The following RNF150 variants were observed in gnomAD, a reference collection of about 807,000 sequenced individuals.
RNF150 encodes ring finger protein 150.
Under a neutral mutation model 39.3 loss-of-function variants are expected in RNF150, and 24 were observed. The observed-to-expected ratio is 0.61, with a 90% confidence interval of 0.44 to 0.86. The LOEUF is 0.86. Among genes scored for constraint, RNF150 ranks in the 40% least tolerant of loss-of-function variants. The pLI, the probability that RNF150 is intolerant of heterozygous loss-of-function variation, is 0.00. For missense variants in RNF150, 502 were observed against 587.8 expected, an observed-to-expected ratio of 0.85 and a Z score of 1.51; for synonymous variants, 255 against 227.3, an observed-to-expected ratio of 1.12 and a Z score of -1.10.
At chr4:141,202,899 T>C (rs1728311892) in intron 1 of RNF150, among the ~76,000 whole-genome samples, 1 of 151,856 alleles carries the variant, frequency 6.6e-6, no homozygotes, top group African/African-American at 2.4e-5. Context: ...CTATAAAGAA[T>C]AGAGTGGCAA....
At chr4:141,185,849 G>A (rs1727998587) in intron 1 of RNF150, among the ~76,000 whole-genome samples, 1 of 152,084 alleles carries the variant, frequency 6.6e-6, no homozygotes. Context: ...TTTGCCATTT[G>A]TTGAACCAGC....
intron 1 of RNF150, among the ~76,000 whole-genome samples, chr4:141,048,409 T>G (rs957033647): frequency 6.6e-6 from 1 of 152,184 alleles, no homozygotes. Flanking sequence ...AGATCCATCT[T>G]GGCATGCAGC....
chr4:140,920,789 A>C (rs1578967283), intron 5 of RNF150, among the ~76,000 whole-genome samples: 1 of 151,772 alleles, frequency 6.6e-6, no homozygotes, highest in Non-Finnish European at 1.5e-5. Context: ...AACCAACCCA[A>C]ATGTCCAACA....
At chr4:141,171,743 G>A (rs3098030) in intron 1 of RNF150, among the ~76,000 whole-genome samples, 148,042 of 152,310 alleles carry the variant, frequency 0.97, 72,099 homozygotes, top group East Asian at 1. Context: ...ACTGAATTGA[G>A]CTTGACTAGT....
At chr4:140,978,493 C>T (rs1457741776) in intron 1 of RNF150, among the ~76,000 whole-genome samples, 2 of 152,120 alleles carry the variant, frequency 1.3e-5, no homozygotes, top group African/African-American at 4.8e-5. Flanking sequence ...GTAGACATTC[C>T]TATTCTACAA....
At chr4:141,022,904 A>G (rs1235479737) in intron 1 of RNF150, among the ~76,000 whole-genome samples, 1 of 152,202 alleles carries the variant, frequency 6.6e-6, no homozygotes, top group Non-Finnish European at 1.5e-5. Context: ...CATTTCCCCC[A>G]ACTACTTTCC....
intron 1 of RNF150, among the ~76,000 whole-genome samples, chr4:141,189,601 G>A (rs1223582086): frequency 1.3e-5 from 2 of 152,186 alleles, no homozygotes; most frequent in African/African-American, 4.8e-5. Context: ...CCTGCTCAGT[G>A]AGGAGGAATC....
intron 1 of RNF150, among the ~76,000 whole-genome samples, chr4:141,166,963 G>GA (rs1453260972): frequency 6.6e-6 from 1 of 152,058 alleles, no homozygotes; most frequent in Non-Finnish European, 1.5e-5. Flanking sequence ...GCAAGAGAAA[G>GA]AAACAAAGGG....
chr4:140,952,929 C>T (rs1372224866), intron 2 of RNF150, among the ~76,000 whole-genome samples: 1 of 152,162 alleles, frequency 6.6e-6, no homozygotes, highest in Non-Finnish European at 1.5e-5. Context: ...TCACACAATT[C>T]TAGATGATAC....
intron 1 of RNF150, among the ~76,000 whole-genome samples, chr4:141,077,772 C>T (rs187815698): frequency 3.3e-5 from 5 of 152,350 alleles, no homozygotes; most frequent in Non-Finnish European, 7.3e-5. Flanking sequence ...TCTGCACCTC[C>T]AAAGGTTTTG....
rs1439358459 is a variant in RNF150, at chr4:140,860,328, G to C, written c.*7933C>G. On this transcript the variant is annotated 3_prime_UTR_variant, in exon 7 of 7. Transcript: ENST00000515673. ...CAGAAGATTAGTTTTGGGTAAAAAC[G>C]CTACATAATTCACTAGTACTTATTT... The C allele has an allele frequency of 6.6e-6, 1 of 152,028 alleles. No individual in the cohort carries two copies. The highest frequency in any genetic ancestry group is 2.4e-5 in the African/African-American group (1 of 41,376). 9.4% of individuals were successfully genotyped at this position (152,028 alleles called of 1,614,324 possible).
chr4:141,133,595 C>CT (rs1436505178), upstream of RNF150: 1 of 152,132 alleles, frequency 6.6e-6, no homozygotes, highest in Non-Finnish European at 1.5e-5. Context: ...GCAGCGACCC[C>CT]TGTCGGGTCT....
chr4:140,917,107 A>T (rs977059255), intron 5 of RNF150, among the ~76,000 whole-genome samples: 2 of 152,218 alleles, frequency 1.3e-5, no homozygotes, highest in South Asian at 4.1e-4. Context: ...TGTAAAGACC[A>T]TCAAGGCTAG....
At chr4:141,130,979 C>T (rs1484188050) in intron 1 of RNF150, among the ~76,000 whole-genome samples, 2 of 152,312 alleles carry the variant, frequency 1.3e-5, no homozygotes, top group East Asian at 1.9e-4. Context: ...CATTAATTAA[C>T]ACACTACATT....
In RNF150 at chr4:141,003,369, A is replaced by G. The variant is rs142843260; in HGVS notation, c.485-35496T>C. On this transcript the variant is annotated intron_variant, in intron 1 of 6. Coordinates refer to ENST00000515673, the MANE Select transcript of RNF150 (RefSeq NM_020724.2). Reference sequence around the variant, plus strand: ...CCAACACATACTGATATTGGACTGAACTACAACCCTTGCACACAACTTCAG... The same window carrying G: ...CCAACACATACTGATATTGGACTGAGCTACAACCCTTGCACACAACTTCAG... 6.2e-4 allele frequency among the ~76,000 whole-genome samples: 94 copies of G among 152,308 alleles called. 1 individual carries two copies. The highest frequency in any genetic ancestry group is 2.1e-3 in the African/African-American group (88 of 41,564).
intron 1 of RNF150, among the ~76,000 whole-genome samples, chr4:140,995,617 G>T (rs1734337474): frequency 6.6e-6 from 1 of 152,100 alleles, no homozygotes; most frequent in Non-Finnish European, 1.5e-5. Flanking sequence ...TCCTCAATTT[G>T]GTCTGGTGTC....
intron 1 of RNF150, among the ~76,000 whole-genome samples, chr4:141,189,783 C>G (rs189403610): frequency 6.6e-6 from 1 of 152,324 alleles, no homozygotes; most frequent in African/African-American, 2.4e-5. Context: ...TGACTTCAGA[C>G]TGCTGTGCTG....
Position 141,195,570 on chromosome 4 carries a change from A to G in RNF150, c.-6+17224T>C, listed in dbSNP as rs115357038. ...GTTGGGGGATGTTGTTATGGTAGAAAGCATCAGTAATCTGCAAAATGACCT... is the reference window on the plus strand; with the variant it reads ...GTTGGGGGATGTTGTTATGGTAGAAGGCATCAGTAATCTGCAAAATGACCT... On this transcript the variant is annotated intron_variant, in intron 1 of 7. Coordinates refer to the RNF150 transcript ENST00000420921. Among the ~76,000 whole-genome samples, 589 of 152,264 alleles carry G rather than the reference A, an allele frequency of 3.9e-3. 5 individuals carry two copies. The highest frequency in any genetic ancestry group is 0.014 in the African/African-American group (573 of 41,540).
rs1727313236 is a variant in RNF150, at chr4:141,152,115, T to C, written c.-6+60679A>G. Among the ~76,000 whole-genome samples the C allele has an allele frequency of 2.0e-5, 3 of 152,196 alleles. No homozygotes were observed. In the South Asian group the frequency reaches 6.2e-4, roughly 31 times the overall value. ...AATCCCTCTCAAGCAATCTGGGAAA[T>C]TGTGCTGTGAATCATTAGAAATATA... is the stretch of plus-strand genomic sequence containing the variant. On this transcript the variant is annotated intron_variant, in intron 1 of 7. Transcript: ENST00000420921.
Sources: gnomAD v4.1 joint callset for allele counts (sites outside exome capture counted in the v4.1 genomes callset) on GRCh38, gnomAD v4.1.1 for gene constraint, MANE v1.5 for transcripts, NCBI Gene and HGNC (gene_info 2026-07-23, HGNC 2026-07-21) for gene names.